ROCK2: variants seen among roughly 807,000 people sequenced by gnomAD.
ROCK2 encodes Rho associated coiled-coil containing protein kinase 2, also known as rho-associated protein kinase 2.
A neutral mutation model predicts 195.1 loss-of-function variants in ROCK2; 61 were observed. That is an observed-to-expected ratio of 0.31 (90% CI 0.25 to 0.39). ROCK2 has a LOEUF of 0.39. ROCK2 is among the 10% of genes least tolerant of loss of function. The pLI, the probability that ROCK2 is intolerant of heterozygous loss-of-function variation, is 1.00. For missense variants in ROCK2, 1,109 were observed against 1,637.4 expected (o/e 0.68, Z 5.57); for synonymous variants, 504 against 545.5 (o/e 0.92, Z 1.06).
rs2148045364 is a variant in ROCK2, at chr2:11,201,993, T to C, written c.2619+59A>G. 23 of 1,320,524 alleles carry C rather than the reference T, an allele frequency of 1.7e-5. No homozygotes were observed. Among genetic ancestry groups the C allele is most frequent in the Non-Finnish European group, 2.4e-5 (22 of 913,860 alleles). The allele number at this position is 1,320,524 out of a possible 1,614,324, so 81.8% of individuals were successfully genotyped here. On this transcript the variant is annotated intron_variant, in intron 21 of 32. Coordinates refer to ENST00000315872, the MANE Select transcript of ROCK2 (RefSeq NM_004850.5). This position sits in a 1 kb window ranked among gnomAD's most constrained non-coding sequence, Gnocchi z 4.6. ...TTTTATATGAGTTGTATGGTATAAATAAAATATCCCAACCAAAACTCTGTT... is the reference window on the plus strand; with the variant it reads ...TTTTATATGAGTTGTATGGTATAAACAAAATATCCCAACCAAAACTCTGTT...
intron 23 of ROCK2, 127 bp from the exon 24 acceptor site, chr2:11,198,901 A>G: frequency 6.3e-6 from 3 of 474,504 alleles, no homozygotes; most frequent in Non-Finnish European, 1.1e-5. Context: ...TTTTTTTTTG[A>G]GACAGAGTCT....
chr2:11,184,862 G>GTAA (rs1429113418), intron 32 of ROCK2: 7 of 660,944 alleles, frequency 1.1e-5, no homozygotes, highest in Non-Finnish European at 1.3e-5. Flanking sequence ...GAATGTGCTT[G>GTAA]TAAGCATTTT....
chr2:11,259,256 A>G (rs1666139724), intron 3 of ROCK2, among the ~76,000 whole-genome samples: 1 of 150,948 alleles, frequency 6.6e-6, no homozygotes, highest in South Asian at 2.1e-4. Context: ...AGCCTCATTT[A>G]AATGGATGAC....
At chr2:11,303,759 T>G (rs2148220149) in intron 1 of ROCK2, among the ~76,000 whole-genome samples, 1 of 152,176 alleles carries the variant, frequency 6.6e-6, no homozygotes, top group East Asian at 1.9e-4. Context: ...CAATCAGATC[T>G]CCCCCGACTA....
rs1455080002 is a variant in ROCK2 at position 11,344,602 on chromosome 2, T to C, written c.-466A>G. 1.9e-5 allele frequency: 5 copies of C among 261,294 alleles called. No individual in the cohort carries two copies. The highest frequency in any genetic ancestry group is 2.5e-5 in the African/African-American group (1 of 40,500). The allele number at this position is 261,294 out of a possible 1,614,324, so 16.2% of individuals were successfully genotyped here. A position where few individuals can be genotyped will look rare whatever the true frequency, so the allele number is the denominator to read the frequency against. On this transcript the variant is annotated 5_prime_UTR_variant, in exon 1 of 33. Coordinates refer to ENST00000315872, the MANE Select transcript of ROCK2 (RefSeq NM_004850.5). The surrounding 1 kb of genome is among the most constrained non-coding windows in gnomAD (Gnocchi z 5.4). ...GCCGCCTTGCAGTCCCTCAGCCAGC[T>C]CCCGGCGCACACACTCCCGCGCGGC...
Position 11,183,140 on chromosome 2 carries a change from C to T in ROCK2, c.*297G>A. ...CTTTAGCCTTTAACTCTTCTCAATC[C>T]TTGTGTGCATTGTAGTGTGAGCGAC... On this transcript the variant is annotated 3_prime_UTR_variant, in exon 33 of 33. Coordinates refer to ENST00000315872, the MANE Select transcript of ROCK2 (RefSeq NM_004850.5). 1 of 291,794 alleles carries T rather than the reference C, an allele frequency of 3.4e-6. No homozygotes were observed. Among genetic ancestry groups the T allele is most frequent in the Non-Finnish European group, 6.4e-6 (1 of 155,154 alleles). The allele number at this position is 291,794 out of a possible 1,614,324, so 18.1% of individuals were successfully genotyped here.
chr2:11,246,972 T>C (rs1665638921), intron 4 of ROCK2, among the ~76,000 whole-genome samples: 1 of 152,204 alleles, frequency 6.6e-6, no homozygotes, highest in South Asian at 2.1e-4. Context: ...CATTAAGTGA[T>C]GAATGAACGA....
intron 3 of ROCK2, among the ~76,000 whole-genome samples, chr2:11,259,312 T>A (rs1336763085): frequency 6.8e-6 from 1 of 148,034 alleles, no homozygotes; most frequent in African/African-American, 2.5e-5. Flanking sequence ...GACTGAAGTA[T>A]CTTTGCATTA....
At chr2:11,218,424 T>G (rs1292776903) in intron 11 of ROCK2, 31 bp downstream of exon 11, 7 of 1,547,404 alleles carry the variant, frequency 4.5e-6, no homozygotes, top group Non-Finnish European at 6.1e-6. Context: ...CTTTTCTCAG[T>G]TTTTCAATAT....
intron 1 of ROCK2, among the ~76,000 whole-genome samples, chr2:11,320,939 C>T (rs1558391341): frequency 6.6e-6 from 1 of 152,130 alleles, no homozygotes; most frequent in African/African-American, 2.4e-5. Flanking sequence ...CACAGGTACT[C>T]CCCCTAGAGT....
chr2:11,319,171 T>C (rs141308387), intron 1 of ROCK2, among the ~76,000 whole-genome samples: 6,506 of 152,274 alleles, frequency 0.043, 282 homozygotes, highest in Non-Finnish European at 0.06. Context: ...GGGGATGGCA[T>C]TGAATGTATA....
In ROCK2 at chr2:11,344,219, G is replaced by C. The variant is rs1466171003; in HGVS notation, c.-83C>G. On this transcript the variant is annotated 5_prime_UTR_variant, in exon 1 of 33. Transcript: ENST00000315872. This position sits in a 1 kb window ranked among gnomAD's most constrained non-coding sequence, Gnocchi z 5.4. ...GCCTAGCACCGCCCCCGAACCACCAGCTCCGGCCGGGACTCCACCCGGGCC... is the reference window on the plus strand; with the variant it reads ...GCCTAGCACCGCCCCCGAACCACCACCTCCGGCCGGGACTCCACCCGGGCC... The C allele has an allele frequency of 1.7e-5, 23 of 1,328,472 alleles. No individual in the cohort carries two copies. The highest frequency in any genetic ancestry group is 2.8e-4 in the Middle Eastern group (1 of 3,536). 82.3% of individuals were successfully genotyped at this position (1,328,472 alleles called of 1,614,324 possible).
intron 27 of ROCK2, among the ~76,000 whole-genome samples, chr2:11,196,157 G>A (rs1219014711): frequency 6.6e-6 from 1 of 152,180 alleles, no homozygotes; most frequent in Non-Finnish European, 1.5e-5. Flanking sequence ...CTGCAGTCTT[G>A]AAAGATCACA....
intron 3 of ROCK2, among the ~76,000 whole-genome samples, chr2:11,281,237 G>T (rs1666992565): frequency 7.3e-6 from 1 of 137,390 alleles, no homozygotes; most frequent in Non-Finnish European, 1.5e-5. Context: ...AAAAACCTCA[G>T]TACATGAAGA....
chr2:11,233,324 C>A (rs1373511551), intron 5 of ROCK2, among the ~76,000 whole-genome samples: 2 of 152,246 alleles, frequency 1.3e-5, no homozygotes, highest in East Asian at 3.9e-4. Context: ...TACTGTATAT[C>A]AACGGAACTG....
At chr2:11,283,567 C>CA (rs1456842952) in intron 3 of ROCK2, among the ~76,000 whole-genome samples, 24,026 of 54,918 alleles carry the variant, frequency 0.44, 4,638 homozygotes, top group East Asian at 0.6. Flanking sequence ...GACTCCGTCT[C>CA]AAAAAAAAAA....
At chr2:11,188,155 G>GGTT (rs1218638773) in intron 32 of ROCK2, among the ~76,000 whole-genome samples, 15 of 139,250 alleles carry the variant, frequency 1.1e-4, no homozygotes, top group Non-Finnish European at 2.3e-4. Context: ...CTGTTGCCTA[G>GGTT]GTTGGAGTGC....
chr2:11,221,426 G>T, intron 8 of ROCK2, 69 bp from the exon 9 acceptor site: 1 of 1,126,290 alleles, frequency 8.9e-7, no homozygotes, highest in Non-Finnish European at 1.2e-6. Context: ...ATTTTATTAT[G>T]ATGTATTATT....
intron 3 of ROCK2, among the ~76,000 whole-genome samples, chr2:11,255,778 G>C (rs1666009053): frequency 6.7e-6 from 1 of 150,226 alleles, no homozygotes; most frequent in Admixed American, 6.6e-5. Context: ...AAATTAGCCA[G>C]GCATGGTGGC....
Sources: gnomAD v4.1 joint callset for allele counts (sites outside exome capture counted in the v4.1 genomes callset) on GRCh38, gnomAD v4.1.1 for gene constraint, Gnocchi (gnomAD v3.1) non-coding constraint, MANE v1.5 for transcripts, NCBI Gene and HGNC (gene_info 2026-07-23, HGNC 2026-07-21) for gene names.